GRM7: variants seen among roughly 807,000 people sequenced by gnomAD.
GRM7 encodes the protein glutamate metabotropic receptor 7, also known as metabotropic glutamate receptor 7.
Under a neutral mutation model 84.5 loss-of-function variants are expected in GRM7, and 35 were observed. The ratio of observed to expected loss-of-function variants is 0.41; its 90% CI spans 0.32 to 0.55. GRM7 has a LOEUF of 0.55. Among genes scored for constraint, GRM7 ranks in the 20% least tolerant of loss-of-function variants. The pLI is 0.19. For missense variants in GRM7, 1,003 were observed against 1,194.6 expected, an observed-to-expected ratio of 0.84 and a Z score of 2.36; for synonymous variants, 487 against 455.1, an observed-to-expected ratio of 1.07 and a Z score of -0.89.
rs1695112768 is a variant in GRM7, at chr3:7,579,098, A to C, written c.2192A>C (p.Asp731Ala). 1 of 1,612,484 alleles carries C rather than the reference A, an allele frequency of 6.2e-7. No homozygotes were observed. Among genetic ancestry groups the C allele is most frequent in the Admixed American group, 1.7e-5 (1 of 59,986 alleles). ...FGVDPPNIIIDYDEHKTMNPE... is the reference protein window; with the variant it reads ...FGVDPPNIIIAYDEHKTMNPE... ...GTTGATCCACCCAACATCATCATAGACTATGATGAACACAAGACAATGAAC... is the reference window on the plus strand; with the variant it reads ...GTTGATCCACCCAACATCATCATAGCCTATGATGAACACAAGACAATGAAC... The change falls in exon 8 of 10, where the codon GAC (aspartate) becomes GCC (alanine). Residue 731 changes from aspartate to alanine, a missense_variant. By Grantham distance (126) the Asp-to-Ala change is moderately radical. Coordinates refer to ENST00000357716, the MANE Select transcript of GRM7 (RefSeq NM_000844.4).
At chr3:7,252,847 C>T (rs1698050391) in intron 2 of GRM7, among the ~76,000 whole-genome samples, 1 of 150,962 alleles carries the variant, frequency 6.6e-6, no homozygotes, top group Non-Finnish European at 1.5e-5. Flanking sequence ...CGCCACCACA[C>T]CCAGCTAATT....
At chr3:7,149,722 G>T (rs1485260141) in intron 2 of GRM7, among the ~76,000 whole-genome samples, 2 of 152,114 alleles carry the variant, frequency 1.3e-5, no homozygotes, top group East Asian at 3.9e-4. Context: ...AACTTTTCAA[G>T]CCTAAACTTC....
At chr3:7,737,205 G>A (rs1702532950) in intron 9 of GRM7, among the ~76,000 whole-genome samples, 1 of 152,020 alleles carries the variant, frequency 6.6e-6, no homozygotes, top group Non-Finnish European at 1.5e-5. Context: ...AGAATGAGTT[G>A]GAATATCTTA....
intron 2 of GRM7, among the ~76,000 whole-genome samples, chr3:7,242,092 C>G (rs1328869776): frequency 6.6e-6 from 1 of 152,110 alleles, no homozygotes; most frequent in African/African-American, 2.4e-5. Flanking sequence ...ACTTATAACC[C>G]CTTTTTGTGC....
intron 2 of GRM7, among the ~76,000 whole-genome samples, chr3:7,236,121 T>C (rs932378648): frequency 1.3e-5 from 2 of 152,172 alleles, no homozygotes; most frequent in Admixed American, 6.5e-5. Flanking sequence ...CAAGTCCTTT[T>C]ATAAGGTCAC....
chr3:7,498,779 TA>T (rs1249894479), intron 7 of GRM7, among the ~76,000 whole-genome samples: 9 of 152,172 alleles, frequency 5.9e-5, no homozygotes, highest in Admixed American at 1.3e-4. Context: ...TTGCCCCATA[TA>T]AAAATGTATA....
chr3:7,680,152 C>G lies in GRM7; in HGVS notation c.2555C>G (p.Pro852Arg). 1 of 1,614,186 alleles carries G rather than the reference C, an allele frequency of 6.2e-7. No individual in the cohort carries two copies. Among genetic ancestry groups the G allele is most frequent in the Non-Finnish European group, 8.5e-7 (1 of 1,180,012 alleles). The change falls in exon 9 of 10, where the codon CCT (proline) becomes CGT (arginine). Residue 852 changes from proline (P) to arginine (R), a missense_variant. Physicochemically the swap from Pro to Arg is moderately radical, Grantham distance 103. Transcript: ENST00000357716. ...MPKVYIIIFH[P>R]ELNVQKRKRS... ...AAAGTGTACATCATCATTTTCCACC[C>G]TGAACTCAATGTCCAGAAACGGAAG... is the stretch of plus-strand genomic sequence containing the variant.
chr3:7,616,797 A>C (rs1697101711), intron 8 of GRM7, among the ~76,000 whole-genome samples: 1 of 152,186 alleles, frequency 6.6e-6, no homozygotes, highest in Non-Finnish European at 1.5e-5. Flanking sequence ...GATTTACTTC[A>C]GTTTTACTGT....
chr3:7,057,682 C>G (rs1056197003), intron 1 of GRM7, among the ~76,000 whole-genome samples: 4 of 151,904 alleles, frequency 2.6e-5, no homozygotes, highest in African/African-American at 4.8e-5. Context: ...ATGAACTAAG[C>G]TCTGAAACAT....
intron 8 of GRM7, among the ~76,000 whole-genome samples, chr3:7,613,726 A>G (rs534334310): frequency 5.9e-5 from 9 of 152,314 alleles, no homozygotes; most frequent in Admixed American, 3.9e-4. Flanking sequence ...ATCTTATGAT[A>G]GCCTTTTCTG....
intron 2 of GRM7, among the ~76,000 whole-genome samples, chr3:7,220,214 A>C (rs1334545782): frequency 6.6e-6 from 1 of 152,196 alleles, no homozygotes; most frequent in African/African-American, 2.4e-5. Context: ...ACTTCTTTTC[A>C]AAGAAGACTG....
At chr3:7,665,625 G>A (rs1193582345) in intron 8 of GRM7, among the ~76,000 whole-genome samples, 1 of 152,080 alleles carries the variant, frequency 6.6e-6, no homozygotes, top group East Asian at 1.9e-4. Context: ...AATTAAAACT[G>A]TGGAGAATGA....
intron 8 of GRM7, among the ~76,000 whole-genome samples, chr3:7,660,103 T>C (rs960985024): frequency 2.0e-5 from 3 of 152,100 alleles, no homozygotes; most frequent in Non-Finnish European, 2.9e-5. Context: ...AACCTTATGG[T>C]TTAACTTTTC....
intron 1 of GRM7, among the ~76,000 whole-genome samples, chr3:7,032,982 T>C (rs570405173): frequency 1.3e-5 from 2 of 152,306 alleles, no homozygotes; most frequent in Admixed American, 6.5e-5. Context: ...AGAACTGTAT[T>C]TCCTGTAAGT....
chr3:6,915,935 AGT>A (rs1696926214), intron 1 of GRM7, among the ~76,000 whole-genome samples: 1 of 152,206 alleles, frequency 6.6e-6, no homozygotes, highest in Non-Finnish European at 1.5e-5. Context: ...GCAAAGTCAG[AGT>A]TTGATTGTTT....
chr3:7,108,606 A>G (rs1574914803), intron 1 of GRM7, among the ~76,000 whole-genome samples: 1 of 151,896 alleles, frequency 6.6e-6, no homozygotes, highest in East Asian at 1.9e-4. Flanking sequence ...CACACAAGAG[A>G]AAGAATGGTT....
intron 1 of GRM7, among the ~76,000 whole-genome samples, chr3:6,908,967 A>G (rs1273851322): frequency 3.3e-5 from 5 of 152,128 alleles, no homozygotes; most frequent in African/African-American, 1.2e-4. Flanking sequence ...TAAATTCATG[A>G]TCGACATCAT....
intron 1 of GRM7, among the ~76,000 whole-genome samples, chr3:7,064,505 C>CACATATACATATATATATACATATAT (rs1553612672): frequency 4.0e-4 from 40 of 101,020 alleles, no homozygotes; most frequent in African/African-American, 1.5e-3. Context: ...TATATATACA[C>CACATATACATATATATATACATATAT]ATATATATAT....
chr3:6,985,224 C>A (rs1362964181), intron 1 of GRM7, among the ~76,000 whole-genome samples: 1 of 152,122 alleles, frequency 6.6e-6, no homozygotes, highest in Non-Finnish European at 1.5e-5. Flanking sequence ...TACAAACAAT[C>A]CAATTACACT....
Sources: allele counts gnomAD v4.1 joint callset (sites outside exome capture counted in the v4.1 genomes callset), GRCh38; gene constraint gnomAD v4.1.1; transcripts MANE v1.5; gene names NCBI Gene and HGNC (gene_info 2026-07-23, HGNC 2026-07-21).